The following NCKAP1 variants were observed in gnomAD, a reference collection of about 807,000 sequenced individuals.
The protein encoded by NCKAP1 is nck-associated protein 1.
Under a neutral mutation model 151.2 loss-of-function variants are expected in NCKAP1, and 21 were observed. That is an observed-to-expected ratio of 0.14 (90% CI 0.10 to 0.20). The LOEUF (loss-of-function observed/expected upper bound fraction) is 0.20, where lower values mean the gene tolerates loss of function less well. Among genes scored for constraint, NCKAP1 ranks in the 10% least tolerant of loss-of-function variants. The pLI is 1.00. For missense variants in NCKAP1, 933 were observed against 1,352.1 expected (o/e 0.69, Z 4.86); for synonymous variants, 484 against 451.8 (o/e 1.07, Z -0.90).
At chr2:182,953,777 A>C (rs1365442567) in intron 20 of NCKAP1, among the ~76,000 whole-genome samples, 1 of 152,118 alleles carries the variant, frequency 6.6e-6, no homozygotes, top group Non-Finnish European at 1.5e-5. Context: ...CAGCCTGGGC[A>C]ACAGAGTGAG....
intron 2 of NCKAP1, among the ~76,000 whole-genome samples, chr2:183,017,840 TGTTAA>T (rs950601209): frequency 1.5e-4 from 23 of 152,278 alleles, no homozygotes; most frequent in African/African-American, 4.3e-4. Flanking sequence ...AAGAGGTAAA[TGTTAA>T]GTTAACAGCT....
At chr2:183,028,801 G>A (rs1368997217) in intron 1 of NCKAP1, among the ~76,000 whole-genome samples, 2 of 152,034 alleles carry the variant, frequency 1.3e-5, no homozygotes, top group Non-Finnish European at 2.9e-5. Flanking sequence ...TCTCAATTAT[G>A]GAAACAAGAT....
At chr2:182,935,517 A>G (rs1696855481) in intron 24 of NCKAP1, 142 bp from the exon 25 acceptor site, 1 of 529,064 alleles carries the variant, frequency 1.9e-6, no homozygotes, top group East Asian at 3.2e-5. Flanking sequence ...TGATTACAAT[A>G]ATGATTAAAG....
intron 6 of NCKAP1, 55 bp downstream of exon 6, chr2:183,001,898 T>C: frequency 1.4e-6 from 2 of 1,446,264 alleles, no homozygotes; most frequent in Non-Finnish European, 1.9e-6. Context: ...CAACCATCCA[T>C]CCTCATGCTA....
chr2:182,987,640 T>C (rs1281795862), intron 9 of NCKAP1, among the ~76,000 whole-genome samples: 1 of 152,226 alleles, frequency 6.6e-6, no homozygotes, highest in African/African-American at 2.4e-5. Flanking sequence ...TACATATGAT[T>C]CTACAATGAG....
Position 183,038,323 on chromosome 2 carries a change from T to G in NCKAP1, c.-224A>C, listed in dbSNP as rs997538370. 2 of 326,298 alleles carry G rather than the reference T, an allele frequency of 6.1e-6. No homozygotes were observed. The highest frequency in any genetic ancestry group is 2.2e-5 in the African/African-American group (1 of 45,414). The allele number at this position is 326,298 out of a possible 1,614,324, so 20.2% of individuals were successfully genotyped here. On this transcript the variant is annotated 5_prime_UTR_variant, in exon 1 of 31. Coordinates refer to ENST00000361354, the MANE Select transcript of NCKAP1 (RefSeq NM_013436.5). ...CGCAGCAGCCCGCGCCCCGGCAGCC[T>G]CCTGCCTTCCGCCCGCCGCCCTTCC...
chr2:183,029,759 A>G (rs1698969558), intron 1 of NCKAP1, among the ~76,000 whole-genome samples: 1 of 150,352 alleles, frequency 6.7e-6, no homozygotes, highest in South Asian at 2.1e-4. Flanking sequence ...GGTTGAGTCT[A>G]CAGTGAGCCC....
intron 29 of NCKAP1, among the ~76,000 whole-genome samples, chr2:182,927,884 C>A (rs547847697): frequency 5.6e-4 from 85 of 151,708 alleles, no homozygotes; most frequent in African/African-American, 1.9e-3. Context: ...GACGGCTCCT[C>A]GATTTTAATG....
At position 182,911,868 on chromosome 2, in the gene NCKAP1, G is replaced by GCAGTGACT. The variant is rs1553507124; in HGVS notation, c.*13833_*13834insAGTCACTG. On this transcript the variant is annotated 3_prime_UTR_variant, in exon 31 of 31. Coordinates refer to ENST00000361354, the MANE Select transcript of NCKAP1 (RefSeq NM_013436.5). ...AAGTTTTTCATGATTTTATTAGAAA[G>GCAGTGACT]CAGTAACTGCATTTCTGGTAGGCCT... The GCAGTGACT allele has an allele frequency of 6.6e-6, 1 of 151,264 alleles. No individual in the cohort carries two copies. The highest frequency in any genetic ancestry group is 1.5e-5 in the Non-Finnish European group (1 of 67,580). 9.4% of individuals were successfully genotyped at this position (151,264 alleles called of 1,614,324 possible).
chr2:183,013,297 C>G (rs745532336), intron 2 of NCKAP1, among the ~76,000 whole-genome samples: 2 of 152,076 alleles, frequency 1.3e-5, no homozygotes, highest in East Asian at 3.9e-4. Context: ...AAACTTAACA[C>G]GTCTAATATT....
chr2:182,955,967 A>C (rs1344816439), intron 20 of NCKAP1, among the ~76,000 whole-genome samples: 3 of 152,194 alleles, frequency 2.0e-5, no homozygotes, highest in Non-Finnish European at 2.9e-5. Flanking sequence ...GCCTGGTGTT[A>C]CTAGTTAATA....
intron 7 of NCKAP1, 71 bp from the exon 8 acceptor site, chr2:182,994,958 C>CT: frequency 3.4e-6 from 4 of 1,190,396 alleles, no homozygotes; most frequent in Non-Finnish European, 4.9e-6. Context: ...AGCCACTCTC[C>CT]TCCCTTTCTC....
At chr2:183,004,488 C>CA (rs34055584) in intron 2 of NCKAP1, among the ~76,000 whole-genome samples, 4,193 of 78,688 alleles carry the variant, frequency 0.053, 298 homozygotes, top group African/African-American at 0.12. Context: ...AAACAGCAAG[C>CA]AAAAAAAAAA....
rs551634346 is a variant in NCKAP1, at chr2:183,027,691, C to A, written c.109-3775G>T. ...GCAACATAGCAAGATCCTATCTCTA[C>A]AAAAAAATTTTTAAAAAAACTTTAA... On this transcript the variant is annotated intron_variant, in intron 1 of 30. Transcript: ENST00000361354. Among the ~76,000 whole-genome samples, 160 of 151,908 alleles carry A rather than the reference C, an allele frequency of 1.1e-3. 1 individual carries two copies. The highest frequency in any genetic ancestry group is 3.7e-3 in the African/African-American group (154 of 41,424).
chr2:183,014,899 G>T (rs981441290), intron 2 of NCKAP1, among the ~76,000 whole-genome samples: 6 of 152,174 alleles, frequency 3.9e-5, no homozygotes, highest in Admixed American at 1.3e-4. Context: ...ACTATGAAGG[G>T]CATCAAAATC....
chr2:182,942,722 A>G (rs1697022731), intron 23 of NCKAP1, among the ~76,000 whole-genome samples: 1 of 152,126 alleles, frequency 6.6e-6, no homozygotes, highest in Non-Finnish European at 1.5e-5. Context: ...CACTGAGAAA[A>G]GGGAAGAGAA....
intron 2 of NCKAP1, among the ~76,000 whole-genome samples, chr2:183,007,084 G>C (rs1249219309): frequency 6.6e-6 from 1 of 152,092 alleles, no homozygotes; most frequent in Non-Finnish European, 1.5e-5. Context: ...TGTCGGTCAG[G>C]CTGGTCTCAA....
chr2:183,023,923 A>G lies in NCKAP1; in HGVS notation c.109-7T>C. The G allele has an allele frequency of 1.3e-6, 2 of 1,562,452 alleles. No individual in the cohort carries two copies. The highest frequency in any genetic ancestry group is 1.7e-6 in the Non-Finnish European group (2 of 1,149,840). The stretch of plus-strand genomic sequence containing the variant: ...CCTTGGGGTCTCCACATGCCTATAA[A>G]ACAACAGTAATAAAAAAAAGTGAAA... On this transcript the variant is annotated splice_polypyrimidine_tract_variant and splice_region_variant and intron_variant, in intron 1 of 30. Transcript: ENST00000361354.
intron 29 of NCKAP1, among the ~76,000 whole-genome samples, chr2:182,927,845 A>G (rs1696679812): frequency 6.6e-6 from 1 of 152,008 alleles, no homozygotes; most frequent in African/African-American, 2.4e-5. Context: ...GAGTTGGGAA[A>G]GAGACTTCCG....
Sources: gnomAD v4.1 joint callset for allele counts (sites outside exome capture counted in the v4.1 genomes callset) on GRCh38, gnomAD v4.1.1 for gene constraint, MANE v1.5 for transcripts, NCBI Gene and HGNC (gene_info 2026-07-23, HGNC 2026-07-21) for gene names.